The following BSDC1 variants were observed in gnomAD, a reference collection of about 807,000 sequenced individuals.
BSDC1 encodes BSD domain containing 1.
BSDC1 carries 29 observed loss-of-function variants against 56.0 expected under a neutral mutation model. The ratio of observed to expected loss-of-function variants is 0.52; its 90% CI spans 0.39 to 0.71. The LOEUF (loss-of-function observed/expected upper bound fraction) is 0.71, where lower values mean the gene tolerates loss of function less well. Ranked by LOEUF, BSDC1 falls within the 30% of genes least tolerant of loss-of-function variation. The pLI, the probability that BSDC1 is intolerant of heterozygous loss-of-function variation, is 0.00. For synonymous variants in BSDC1, 210 were observed against 215.3 expected, an observed-to-expected ratio of 0.98 and a Z score of 0.21; for missense variants, 477 against 548.5, an observed-to-expected ratio of 0.87 and a Z score of 1.30.
chr1:32,391,200 G>C (rs1642854212), intron 2 of BSDC1, among the ~76,000 whole-genome samples: 1 of 152,144 alleles, frequency 6.6e-6, no homozygotes, highest in African/African-American at 2.4e-5. Flanking sequence ...AAATGCAGCA[G>C]AATGGTCCAG....
At chr1:32,366,823 G>C (rs906015172) in intron 10 of BSDC1, 169 bp from the exon 11 acceptor site, 58 of 1,365,250 alleles carry the variant, frequency 4.2e-5, no homozygotes, top group Non-Finnish European at 5.2e-5. Context: ...GTGTCTGAGG[G>C]GCAGAGCTGC....
intron 9 of BSDC1, among the ~76,000 whole-genome samples, chr1:32,375,454 T>C (rs1228834523): frequency 6.6e-6 from 1 of 151,938 alleles, no homozygotes; most frequent in African/African-American, 2.4e-5. Context: ...TTCTTAGTGA[T>C]AATCAGCCGT....
At chr1:32,387,101 G>A (rs1167561524) in intron 2 of BSDC1, among the ~76,000 whole-genome samples, 1 of 152,190 alleles carries the variant, frequency 6.6e-6, no homozygotes, top group African/African-American at 2.4e-5. Context: ...CTGCTACTCT[G>A]AGCATGAGGA....
rs1642367966 is a variant in BSDC1, at chr1:32,378,339, G to A, written c.529-56C>T. 1 of 1,539,972 alleles carries A rather than the reference G, an allele frequency of 6.5e-7. No individual in the cohort carries two copies. Among genetic ancestry groups the A allele is most frequent in the African/African-American group, 1.4e-5 (1 of 73,538 alleles). ...TTGGGAGTGTTTGTGTGGGGTCTGT[G>A]TCCCCAGCCTTATCAGTCTATTCCC... On this transcript the variant is annotated intron_variant, in intron 6 of 10. Coordinates refer to ENST00000455895, the MANE Select transcript of BSDC1 (RefSeq NM_018045.8). The surrounding 1 kb of genome is among the most constrained non-coding windows in gnomAD (Gnocchi z 5.2).
rs1210550667 is a variant in BSDC1 at position 32,366,628 on chromosome 1, C to T, written c.1287G>A (p.Trp429Ter). Residue 429 changes from tryptophan (W) to a stop codon, truncating the protein, a stop_gained, in exon 11 of 11, where the codon TGG becomes TGA. Coordinates refer to ENST00000455895, the MANE Select transcript of BSDC1 (RefSeq NM_018045.8). LOFTEE classifies it high-confidence loss of function. The part of the protein sequence containing the change: ...GELEDVEWED[W>*]E The stretch of plus-strand genomic sequence containing the variant: ...GCTGCTCCCTCTGGCTCCCTCACTC[C>T]CAGTCCTCCCACTCTACATCTTCCA... 2.7e-6 allele frequency: 4 copies of T among 1,490,358 alleles called. No homozygotes were observed. The highest frequency in any genetic ancestry group is 2.5e-5 in the East Asian group (1 of 40,240). 92.3% of individuals were successfully genotyped at this position (1,490,358 alleles called of 1,614,324 possible). A position where few individuals can be genotyped will look rare whatever the true frequency, so the allele number is the denominator to read the frequency against.
At chr1:32,384,121 C>T (rs1570152015) in intron 3 of BSDC1, 124 bp from the exon 4 acceptor site, 1 of 1,344,132 alleles carries the variant, frequency 7.4e-7, no homozygotes, top group Non-Finnish European at 1.0e-6. Context: ...GCTCACGACC[C>T]TTCACCCGTC....
Position 32,378,800 on chromosome 1 carries a change from C to T in BSDC1, c.452G>A (p.Cys151Tyr), listed in dbSNP as rs867745719. ...ELFDAWLSQF[C>Y]LEEKKGEISE... ...GATCTCCCCCTTCTTCTCCTCCAAG[C>T]AGAACTGGGAAAGCCAGGCGTCAAA... Residue 151 changes from cysteine to tyrosine, a missense_variant, in exon 6 of 11, where the codon TGC becomes TAC. Cys to Tyr is a radical substitution (Grantham distance 194). Coordinates refer to ENST00000455895, the MANE Select transcript of BSDC1 (RefSeq NM_018045.8). The surrounding 1 kb of genome is among the most constrained non-coding windows in gnomAD (Gnocchi z 5.2). 2 of 1,549,322 alleles carry T rather than the reference C, an allele frequency of 1.3e-6. No individual in the cohort carries two copies. The highest frequency in any genetic ancestry group is 3.9e-5 in the Admixed American group (2 of 50,888).
intron 1 of BSDC1, 64 bp from the exon 2 acceptor site, chr1:32,394,204 T>A: frequency 6.3e-7 from 1 of 1,582,272 alleles, no homozygotes; most frequent in Non-Finnish European, 8.6e-7. Context: ...AGGATCCGGT[T>A]TGTTCCCCGC....
At chr1:32,385,836 CTG>C (rs1306076058) in intron 3 of BSDC1, among the ~76,000 whole-genome samples, 2 of 152,210 alleles carry the variant, frequency 1.3e-5, no homozygotes, top group African/African-American at 4.8e-5. Flanking sequence ...CCTAACCACT[CTG>C]TGATACTTTC....
intron 2 of BSDC1, among the ~76,000 whole-genome samples, chr1:32,389,167 G>GA (rs1413454492): frequency 6.6e-6 from 1 of 152,022 alleles, no homozygotes; most frequent in Non-Finnish European, 1.5e-5. Flanking sequence ...TGTTAGCCAG[G>GA]ATGGTCTCGA....
Position 32,382,851 on chromosome 1 carries a change from CAG to C in BSDC1, c.357+977_357+978del, listed in dbSNP as rs1180139469. The stretch of plus-strand genomic sequence containing the variant: ...TGCCACCGCACTCCAGCCTGGGTGA[CAG>C]AGTGAGACCGTCTCAAAAAAAAAAA... On this transcript the variant is annotated intron_variant, in intron 4 of 10. Transcript: ENST00000455895. Among the ~76,000 whole-genome samples, 3 of 111,700 alleles carry C rather than the reference CAG, an allele frequency of 2.7e-5. No individual in the cohort carries two copies. The South Asian group carries it at 8.6e-4, about 32-fold the overall frequency. 73.3% of individuals were successfully genotyped at this position (111,700 alleles called of 152,430 possible).
intron 9 of BSDC1, chr1:32,369,164 G>A (rs1641974618): frequency 6.2e-6 from 5 of 801,106 alleles, no homozygotes; most frequent in Non-Finnish European, 9.0e-6. Context: ...GTGGAACACT[G>A]TAGGCTGTTA....
rs1486626603 is a variant in BSDC1 at position 32,365,472 on chromosome 1, G to C, written c.*1150C>G. 1 of 152,364 alleles carries C rather than the reference G, an allele frequency of 6.6e-6. No homozygotes were observed. The highest frequency in any genetic ancestry group is 1.5e-5 in the Non-Finnish European group (1 of 68,024). The allele number at this position is 152,364 out of a possible 1,614,324, so 9.4% of individuals were successfully genotyped here. On this transcript the variant is annotated 3_prime_UTR_variant, in exon 11 of 11. Coordinates refer to ENST00000455895, the MANE Select transcript of BSDC1 (RefSeq NM_018045.8). The stretch of plus-strand genomic sequence containing the variant: ...GACCCACGATCCCTTTCACTCATTG[G>C]TGAGCACACCAGATTAGGTACAAGA...
rs1570090374 is a variant in BSDC1, at chr1:32,366,667, G to C, written c.1261-13C>G. The C allele has an allele frequency of 6.8e-7, 1 of 1,460,820 alleles. No homozygotes were observed. Among genetic ancestry groups the C allele is most frequent in the Non-Finnish European group, 9.1e-7 (1 of 1,102,932 alleles). 90.5% of individuals were successfully genotyped at this position (1,460,820 alleles called of 1,614,324 possible). ...CTACATCTTCCAGCTGCAAATGGGAGGGGGTAATGGAAATCACAAACACAT... is the reference window on the plus strand; with the variant it reads ...CTACATCTTCCAGCTGCAAATGGGACGGGGTAATGGAAATCACAAACACAT... On this transcript the variant is annotated splice_polypyrimidine_tract_variant and intron_variant, in intron 10 of 10. Coordinates refer to ENST00000455895, the MANE Select transcript of BSDC1 (RefSeq NM_018045.8).
intron 4 of BSDC1, among the ~76,000 whole-genome samples, chr1:32,381,876 G>A (rs924912843): frequency 3.3e-5 from 5 of 152,312 alleles, no homozygotes; most frequent in Non-Finnish European, 7.3e-5. Context: ...TCACTAAGTG[G>A]TGGCGCTAAT....
At chr1:32,367,071 G>C (rs1278883986) in intron 10 of BSDC1, 3 of 992,976 alleles carry the variant, frequency 3.0e-6, no homozygotes, top group Non-Finnish European at 2.4e-6. Flanking sequence ...GTGTAATCAA[G>C]GGCAAGTTAC....
At chr1:32,388,948 CTTT>C (rs576567759) in intron 2 of BSDC1, among the ~76,000 whole-genome samples, 4 of 150,488 alleles carry the variant, frequency 2.7e-5, no homozygotes, top group Admixed American at 1.3e-4. Flanking sequence ...ATCTCTTCTT[CTTT>C]TTTTTCTTTT....
intron 4 of BSDC1, among the ~76,000 whole-genome samples, 187 bp from the exon 5 acceptor site, chr1:32,381,455 T>G (rs540423035): frequency 5.3e-5 from 8 of 152,236 alleles, no homozygotes; most frequent in Non-Finnish European, 1.0e-4. Context: ...CATCCAAAAC[T>G]GGGGTTCCCA....
chr1:32,368,469 G>T lies in BSDC1; in HGVS notation c.1238C>A (p.Ser413Tyr), dbSNP rs780808512. ...MTEEEVQMAL[S>Y]KVDASGELED... ...CACCTCCCCGGAGGCATCCACTTTG[G>T]AAAGTGCCATCTGCACCTCCTCTTC... Residue 413 changes from serine (S) to tyrosine (Y), a missense_variant, in exon 10 of 11, where the codon TCC becomes TAC. Transcript: ENST00000455895. 1.9e-6 allele frequency: 3 copies of T among 1,614,124 alleles called. No individual in the cohort carries two copies. Among genetic ancestry groups the T allele is most frequent in the Admixed American group, 3.3e-5 (2 of 60,008 alleles).
Sources: allele counts gnomAD v4.1 joint callset (sites outside exome capture counted in the v4.1 genomes callset), GRCh38; gene constraint gnomAD v4.1.1; non-coding constraint Gnocchi (gnomAD v3.1); transcripts MANE v1.5; gene names NCBI Gene and HGNC (gene_info 2026-07-23, HGNC 2026-07-21).